KIF26B: variants seen among roughly 807,000 people sequenced by gnomAD.
KIF26B encodes the protein kinesin family member 26B, also known as kinesin-like protein KIF26B.
In KIF26B, 63 loss-of-function variants were observed where a neutral mutation model predicts 151.2. The observed-to-expected ratio is 0.42, with a 90% CI of 0.34 to 0.51. The LOEUF (loss-of-function observed/expected upper bound fraction) is 0.51. Among genes scored for constraint, KIF26B ranks in the 20% least tolerant of loss-of-function variants. The pLI, the probability that KIF26B is intolerant of heterozygous loss-of-function variation, is 0.07. For missense variants in KIF26B, 2,813 were observed against 2,913.6 expected, an observed-to-expected ratio of 0.97 and a Z score of 0.79; for synonymous variants, 1,357 against 1,262.1, an observed-to-expected ratio of 1.08 and a Z score of -1.59.
intron 4 of KIF26B, among the ~76,000 whole-genome samples, chr1:245,504,107 G>T (rs1423082944): frequency 6.6e-6 from 1 of 152,140 alleles, no homozygotes; most frequent in Non-Finnish European, 1.5e-5. Context: ...AGTAGAGTGG[G>T]TGAGGGCAAG....
chr1:245,340,616 G>A (rs945706843), intron 2 of KIF26B, among the ~76,000 whole-genome samples: 2 of 152,148 alleles, frequency 1.3e-5, no homozygotes, highest in African/African-American at 4.8e-5. Context: ...AGCCTACGAT[G>A]TATACGGCAC....
intron 14 of KIF26B, among the ~76,000 whole-genome samples, chr1:245,700,444 C>A (rs1326087812): frequency 6.6e-6 from 1 of 152,136 alleles, no homozygotes; most frequent in Admixed American, 6.5e-5. Flanking sequence ...GTAATCCCAG[C>A]ACCTTGGGAG....
chr1:245,543,489 G>A (rs1661669735), intron 5 of KIF26B, among the ~76,000 whole-genome samples: 1 of 49,664 alleles, frequency 2.0e-5, no homozygotes, highest in South Asian at 7.8e-4. Flanking sequence ...TCGAGGAGCG[G>A]GGCATCGGTC....
At chr1:245,365,832 G>T in intron 2 of KIF26B, among the ~76,000 whole-genome samples, 1 of 152,160 alleles carries the variant, frequency 6.6e-6, no homozygotes, top group East Asian at 1.9e-4. Flanking sequence ...GAGGTTCAGT[G>T]AGTTGTCTGA....
chr1:245,441,923 G>A (rs979932089), intron 4 of KIF26B, among the ~76,000 whole-genome samples: 3 of 152,128 alleles, frequency 2.0e-5, no homozygotes, highest in African/African-American at 7.2e-5. Context: ...ACAGACACTG[G>A]CAGACGGAAG....
At chr1:245,654,646 C>T (rs2044054394) in intron 10 of KIF26B, among the ~76,000 whole-genome samples, 1 of 152,168 alleles carries the variant, frequency 6.6e-6, no homozygotes, top group Non-Finnish European at 1.5e-5. Flanking sequence ...GCTCCAGGAC[C>T]CCCACGAAGG....
In KIF26B at chr1:245,265,695, C is replaced by T. The variant is rs146913123; in HGVS notation, c.466-101139C>T. On this transcript the variant is annotated intron_variant, in intron 2 of 14. Coordinates refer to ENST00000407071, the MANE Select transcript of KIF26B (RefSeq NM_018012.4). The stretch of plus-strand genomic sequence containing the variant: ...CGTGACCTCCCAGGCTCAAATCGTC[C>T]TCCCAAGTGATCCTCCCACCTCAGC... Among the ~76,000 whole-genome samples, 566 of 151,878 alleles carry T rather than the reference C, an allele frequency of 3.7e-3. 1 individual carries two copies. The highest frequency in any genetic ancestry group is 6.6e-3 in the Non-Finnish European group (446 of 67,968).
At chr1:245,316,555 A>G (rs1445775477) in intron 2 of KIF26B, among the ~76,000 whole-genome samples, 1 of 151,764 alleles carries the variant, frequency 6.6e-6, no homozygotes, top group South Asian at 2.1e-4. Context: ...TTTAATCATC[A>G]TCGGCCTCTT....
intron 3 of KIF26B, among the ~76,000 whole-genome samples, chr1:245,409,675 G>A (rs539728613): frequency 8.5e-5 from 13 of 152,262 alleles, no homozygotes; most frequent in Admixed American, 5.2e-4. Context: ...GTAATCAAAC[G>A]TCCAGCCCTG....
At chr1:245,412,962 C>G (rs1230716948) in intron 3 of KIF26B, among the ~76,000 whole-genome samples, 1 of 152,108 alleles carries the variant, frequency 6.6e-6, no homozygotes, top group African/African-American at 2.4e-5. Context: ...TTTGCTGCCA[C>G]CTGTATTCAT....
chr1:245,265,063 G>A lies in KIF26B; in HGVS notation c.466-101771G>A, dbSNP rs569686476. ...AAATACAAAAAAAAATTAGCCAGGC[G>A]TGGTGGCTGGCGCCTGTAGTCCCAG... On this transcript the variant is annotated intron_variant, in intron 2 of 14. Coordinates refer to ENST00000407071, the MANE Select transcript of KIF26B (RefSeq NM_018012.4). Among the ~76,000 whole-genome samples, 12 of 151,994 alleles carry A rather than the reference G, an allele frequency of 7.9e-5. No individual in the cohort carries two copies. In the East Asian group the frequency reaches 9.7e-4, roughly 12 times the overall value.
At chr1:245,579,804 C>T (rs979464718) in intron 5 of KIF26B, among the ~76,000 whole-genome samples, 4 of 151,120 alleles carry the variant, frequency 2.6e-5, no homozygotes, top group Non-Finnish European at 4.4e-5. Context: ...GCCGAGATTG[C>T]GCCATTGCAC....
intron 4 of KIF26B, among the ~76,000 whole-genome samples, chr1:245,501,519 T>C (rs546730515): frequency 7.2e-5 from 11 of 152,332 alleles, no homozygotes; most frequent in African/African-American, 2.6e-4. Context: ...AATATCTTCT[T>C]TCTCCTACAT....
At chr1:245,479,526 T>C (rs533055599) in intron 4 of KIF26B, among the ~76,000 whole-genome samples, 5 of 151,970 alleles carry the variant, frequency 3.3e-5, no homozygotes, top group African/African-American at 1.2e-4. Context: ...CCTTGGTTTG[T>C]GATCAGTGTG....
chr1:245,603,574 G>A (rs1035483621), intron 6 of KIF26B, among the ~76,000 whole-genome samples: 1 of 152,138 alleles, frequency 6.6e-6, no homozygotes, highest in East Asian at 1.9e-4. Context: ...GTCTTTGGGG[G>A]TTGGCTGGCC....
chr1:245,590,299 G>A (rs974349564), intron 5 of KIF26B, among the ~76,000 whole-genome samples: 2 of 152,156 alleles, frequency 1.3e-5, no homozygotes, highest in African/African-American at 2.4e-5. Flanking sequence ...GTGCCCCCGG[G>A]GCGGCTGGGC....
intron 14 of KIF26B, among the ~76,000 whole-genome samples, chr1:245,701,442 G>A (rs1410109516): frequency 6.6e-6 from 1 of 152,032 alleles, no homozygotes; most frequent in Non-Finnish European, 1.5e-5. Context: ...TATTAAACTG[G>A]TATTCAGGGC....
At chr1:245,420,358 C>T (rs139191819) in intron 4 of KIF26B, among the ~76,000 whole-genome samples, 82 of 152,268 alleles carry the variant, frequency 5.4e-4, no homozygotes, top group Non-Finnish European at 1.0e-3. Context: ...GGGCGGGAGA[C>T]GAAGGACAGC....
intron 4 of KIF26B, among the ~76,000 whole-genome samples, chr1:245,453,139 T>C (rs1659436165): frequency 6.6e-6 from 1 of 152,188 alleles, no homozygotes; most frequent in Non-Finnish European, 1.5e-5. Flanking sequence ...ACTTCATTCC[T>C]TTGCATGTAG....
Sources: gnomAD v4.1 joint callset for allele counts (sites outside exome capture counted in the v4.1 genomes callset) on GRCh38, gnomAD v4.1.1 for gene constraint, MANE v1.5 for transcripts, NCBI Gene and HGNC (gene_info 2026-07-23, HGNC 2026-07-21) for gene names.